Variants in NTRK3 observed in about 807,000 individuals in gnomAD.
The protein encoded by NTRK3 is neurotrophic receptor tyrosine kinase 3, also known as NT-3 growth factor receptor.
In NTRK3, 24 loss-of-function variants were observed where a neutral mutation model predicts 91.7. The ratio of observed to expected loss-of-function variants is 0.26; its 90% CI spans 0.19 to 0.37. NTRK3 has a LOEUF of 0.37. Among genes scored for constraint, NTRK3 ranks in the 10% least tolerant of loss-of-function variants. The probability of loss-of-function intolerance (pLI) is 1.00; values close to 1 mark genes in which losing one functional copy is unlikely to be tolerated. For synonymous variants in NTRK3, 483 were observed against 404.0 expected, an observed-to-expected ratio of 1.20 and a Z score of -2.34; for missense variants, 880 against 1,068.9, an observed-to-expected ratio of 0.82 and a Z score of 2.46.
intron 3 of NTRK3, among the ~76,000 whole-genome samples, chr15:88,190,031 C>A (rs2047265007): frequency 6.6e-6 from 1 of 152,176 alleles, no homozygotes; most frequent in African/African-American, 2.4e-5. Flanking sequence ...TCAACAGGGA[C>A]AAGGCACCCT....
At chr15:88,092,402 T>A (rs1172534205) in intron 13 of NTRK3, among the ~76,000 whole-genome samples, 2 of 152,180 alleles carry the variant, frequency 1.3e-5, no homozygotes, top group Non-Finnish European at 1.5e-5. Context: ...TGCTGCACCT[T>A]TGGCAGGTGA....
intron 11 of NTRK3, among the ~76,000 whole-genome samples, chr15:88,127,817 A>T (rs888444251): frequency 6.6e-6 from 1 of 152,164 alleles, no homozygotes; most frequent in Non-Finnish European, 1.5e-5. Context: ...GAACCATCTG[A>T]CCGGGAAACA....
chr15:88,063,352 G>T (rs1231780890), intron 13 of NTRK3, among the ~76,000 whole-genome samples: 1 of 152,212 alleles, frequency 6.6e-6, no homozygotes, highest in African/African-American at 2.4e-5. Flanking sequence ...AAACTGTCCT[G>T]TTCTCTCAAG....
intron 17 of NTRK3, among the ~76,000 whole-genome samples, chr15:87,898,763 A>G (rs891716182): frequency 6.6e-6 from 1 of 150,384 alleles, no homozygotes; most frequent in African/African-American, 2.5e-5. Context: ...AGGCAGGTGA[A>G]TCACCTGAGG....
At chr15:88,085,524 T>C (rs2048421465) in intron 13 of NTRK3, among the ~76,000 whole-genome samples, 1 of 152,196 alleles carries the variant, frequency 6.6e-6, no homozygotes, top group African/African-American at 2.4e-5. Flanking sequence ...CCTTACCGAC[T>C]GCCTGGAGCC....
At position 88,145,363 on chromosome 15, in the gene NTRK3, A is replaced by G. The variant is rs555903854; in HGVS notation, c.464+1972T>C. ...TAGAGGGGGGCTTCTTTATTCTCCA[A>G]TATGATTTTTTTCTTAGTTAACAAT... On this transcript the variant is annotated intron_variant, in intron 6 of 18. Transcript: ENST00000394480. 2.6e-5 allele frequency among the ~76,000 whole-genome samples: 4 copies of G among 152,134 alleles called. No individual in the cohort carries two copies. In the South Asian group the frequency reaches 6.2e-4, roughly 24 times the overall value.
intron 3 of NTRK3, among the ~76,000 whole-genome samples, chr15:88,202,620 G>T (rs1397429126): frequency 6.6e-6 from 1 of 152,202 alleles, no homozygotes; most frequent in Non-Finnish European, 1.5e-5. Flanking sequence ...CCCCAGACCT[G>T]TTCCTGTCCT....
At chr15:87,999,291 C>T (rs1336126154) in intron 14 of NTRK3, among the ~76,000 whole-genome samples, 1 of 152,170 alleles carries the variant, frequency 6.6e-6, no homozygotes, top group Non-Finnish European at 1.5e-5. Flanking sequence ...CAGCCTGTAA[C>T]CTTTGATGCT....
In NTRK3 at chr15:88,155,310, G is replaced by A. The variant is rs187690069; in HGVS notation, c.396-7907C>T. 4.5e-4 allele frequency among the ~76,000 whole-genome samples: 68 copies of A among 152,296 alleles called. 1 individual carries two copies. In the East Asian group the frequency reaches 9.5e-3, roughly 21 times the overall value. ...ATTCAATGTTGCTGGCTTTGAAGATGGAAGAGGGGGCCACAAGCCAAGAAT... is the reference window on the plus strand; with the variant it reads ...ATTCAATGTTGCTGGCTTTGAAGATAGAAGAGGGGGCCACAAGCCAAGAAT... On this transcript the variant is annotated intron_variant, in intron 5 of 18. Coordinates refer to ENST00000394480, the Ensembl canonical transcript of NTRK3.
intron 13 of NTRK3, among the ~76,000 whole-genome samples, chr15:88,057,775 A>G (rs546213173): frequency 1.6e-4 from 24 of 152,358 alleles, no homozygotes; most frequent in African/African-American, 5.8e-4. Flanking sequence ...AGCCTCTTGC[A>G]GAACACCTTT....
At chr15:87,877,214 G>C (rs1253382833) in intron 18 of NTRK3, 94 bp from the exon 20 acceptor site, 42 of 1,319,550 alleles carry the variant, frequency 3.2e-5, no homozygotes, top group Non-Finnish European at 4.4e-5. Flanking sequence ...TCCCGGATTA[G>C]TTTCTATGCA....
At chr15:88,090,843 C>A (rs568016101) in intron 13 of NTRK3, among the ~76,000 whole-genome samples, 2 of 152,236 alleles carry the variant, frequency 1.3e-5, no homozygotes, top group East Asian at 3.9e-4. Flanking sequence ...TGGCCTTCAG[C>A]CCTAAATGTG....
chr15:88,224,441 A>T (rs2050504809), intron 3 of NTRK3, among the ~76,000 whole-genome samples: 1 of 152,066 alleles, frequency 6.6e-6, no homozygotes, highest in African/African-American at 2.4e-5. Flanking sequence ...GGGTCTAAAT[A>T]CTCTCTCCTT....
At chr15:87,941,700 G>A (rs567394577) in intron 14 of NTRK3, among the ~76,000 whole-genome samples, 69 of 152,320 alleles carry the variant, frequency 4.5e-4, no homozygotes, top group South Asian at 1.2e-3. Flanking sequence ...TGTGTGCAGA[G>A]AGAAGGGTTG....
chr15:87,929,408 A>G (rs1445009556), exon 17 of NTRK3: 1 of 1,613,996 alleles, frequency 6.2e-7, no homozygotes, highest in African/African-American at 1.3e-5. Context: ...TCCATCCACA[A>G]GGATCATTGC....
At position 88,031,034 on chromosome 15, in the gene NTRK3, A is replaced by C. The variant is rs148580183; in HGVS notation, c.1585+1823T>G. Among the ~76,000 whole-genome samples, 471 of 152,310 alleles carry C rather than the reference A, an allele frequency of 3.1e-3. 2 individuals are homozygous for C. The highest frequency in any genetic ancestry group is 0.011 in the African/African-American group (437 of 41,558). On this transcript the variant is annotated intron_variant, in intron 14 of 18. Coordinates refer to ENST00000394480, the Ensembl canonical transcript of NTRK3. Reference sequence around the variant, plus strand: ...GTGATGTGCCTCACAGAAAAAACACATGTGTTAGATAAGCTTTGCTCAGGA... The same window carrying C: ...GTGATGTGCCTCACAGAAAAAACACCTGTGTTAGATAAGCTTTGCTCAGGA...
chr15:88,127,999 A>G (rs948032789), intron 11 of NTRK3, among the ~76,000 whole-genome samples: 1 of 152,186 alleles, frequency 6.6e-6, no homozygotes, highest in African/African-American at 2.4e-5. Flanking sequence ...GAAATCACAG[A>G]TATTGACATC....
At chr15:88,214,770 C>G (rs977111523) in intron 3 of NTRK3, among the ~76,000 whole-genome samples, 3 of 152,064 alleles carry the variant, frequency 2.0e-5, no homozygotes, top group Non-Finnish European at 4.4e-5. Context: ...CCTTCCCATA[C>G]GAGCCCAGCT....
chr15:88,104,748 C>A (rs1254703010), intron 13 of NTRK3, among the ~76,000 whole-genome samples: 1 of 152,168 alleles, frequency 6.6e-6, no homozygotes, highest in South Asian at 2.1e-4. Context: ...ACTTCAGGGG[C>A]AGTGAGGAGA....
Sources: allele counts gnomAD v4.1 joint callset (sites outside exome capture counted in the v4.1 genomes callset), GRCh38; gene constraint gnomAD v4.1.1; transcripts MANE v1.5; gene names NCBI Gene and HGNC (gene_info 2026-07-23, HGNC 2026-07-21).